Variants in LDAH observed in about 807,000 individuals in gnomAD.
LDAH encodes lipid droplet-associated hydrolase.
In LDAH, 26 loss-of-function variants were observed where a neutral mutation model predicts 29.6. The observed-to-expected ratio is 0.88, with a 90% confidence interval of 0.64 to 1.22. The LOEUF is 1.22. Among genes scored for constraint, LDAH ranks in the 50% most tolerant of loss-of-function variants. The probability of loss-of-function intolerance (pLI) is 0.00; values close to 1 mark genes in which losing one functional copy is unlikely to be tolerated. For missense variants in LDAH, 344 were observed against 387.3 expected (o/e 0.89, Z 0.94); for synonymous variants, 117 against 133.0 (o/e 0.88, Z 0.83).
At chr2:20,689,719 C>T (rs564447488) in intron 6 of LDAH, among the ~76,000 whole-genome samples, 30 of 152,326 alleles carry the variant, frequency 2.0e-4, no homozygotes, top group African/African-American at 4.1e-4. Flanking sequence ...AGGGAACAGT[C>T]GCTATGCAGT....
intron 4 of LDAH, among the ~76,000 whole-genome samples, chr2:20,760,580 G>T (rs1173724497): frequency 6.6e-6 from 1 of 152,202 alleles, no homozygotes; most frequent in Non-Finnish European, 1.5e-5. Flanking sequence ...AGAGGATTCA[G>T]TTCTTTGTAG....
chr2:20,697,585 T>C (rs4971525), intron 6 of LDAH, among the ~76,000 whole-genome samples: 64,226 of 151,948 alleles, frequency 0.42, 14,425 homozygotes, highest in African/African-American at 0.57. Context: ...ACCCTGTTAC[T>C]CCCATGCTTA....
chr2:20,697,740 A>G (rs1009604045), intron 6 of LDAH, among the ~76,000 whole-genome samples: 1 of 152,202 alleles, frequency 6.6e-6, no homozygotes, highest in African/African-American at 2.4e-5. Context: ...TGCGGTGTAC[A>G]GGTCCAGAGG....
intron 4 of LDAH, among the ~76,000 whole-genome samples, chr2:20,773,314 T>C (rs1174983123): frequency 7.1e-6 from 1 of 140,316 alleles, no homozygotes; most frequent in Admixed American, 7.1e-5. Context: ...TCAGACAGAC[T>C]AAAAAAAAAA....
intron 1 of LDAH, among the ~76,000 whole-genome samples, chr2:20,807,409 CATTATA>C (rs748600510): frequency 2.6e-5 from 4 of 152,044 alleles, no homozygotes; most frequent in Non-Finnish European, 4.4e-5. Context: ...TTAAAATGTA[CATTATA>C]ATTAAGGTTG....
intron 1 of LDAH, among the ~76,000 whole-genome samples, chr2:20,808,384 G>A (rs1157141156): frequency 1.3e-5 from 2 of 152,086 alleles, no homozygotes; most frequent in African/African-American, 2.4e-5. Flanking sequence ...AGACAAGGCC[G>A]GGCGCGGTGG....
chr2:20,792,879 G>A (rs1236824889), intron 2 of LDAH, among the ~76,000 whole-genome samples: 3 of 152,014 alleles, frequency 2.0e-5, no homozygotes, highest in Non-Finnish European at 2.9e-5. Context: ...TGTAACAAAC[G>A]TGCACATTCT....
intron 3 of LDAH, among the ~76,000 whole-genome samples, chr2:20,779,200 G>T (rs1238206697): frequency 7.2e-5 from 11 of 152,072 alleles, no homozygotes; most frequent in Admixed American, 6.6e-4. Context: ...AAATTGAAAG[G>T]CTAAGAATAA....
At chr2:20,794,243 G>T (rs1418152739) in intron 2 of LDAH, among the ~76,000 whole-genome samples, 1 of 152,154 alleles carries the variant, frequency 6.6e-6, no homozygotes, top group East Asian at 1.9e-4. Flanking sequence ...AGAACAGCAT[G>T]AGAAAGACCT....
intron 4 of LDAH, among the ~76,000 whole-genome samples, chr2:20,746,420 G>A (rs570184168): frequency 1.3e-5 from 2 of 152,184 alleles, no homozygotes; most frequent in Admixed American, 1.3e-4. Context: ...TGAAATAATG[G>A]GAATGGACCA....
chr2:20,711,163 C>T (rs4971537), intron 5 of LDAH, among the ~76,000 whole-genome samples: 35,701 of 151,646 alleles, frequency 0.24, 4,756 homozygotes, highest in East Asian at 0.36. Context: ...CTGAGACGGG[C>T]GGATCACAAG....
chr2:20,742,775 CTTTTTCT>C (rs938890276), intron 4 of LDAH, among the ~76,000 whole-genome samples: 3 of 142,354 alleles, frequency 2.1e-5, no homozygotes, highest in Non-Finnish European at 3.0e-5. Flanking sequence ...TAGTGCTTTT[CTTTTTCT>C]TTTCTTTTTC....
chr2:20,799,175 C>G (rs566207859), intron 2 of LDAH, among the ~76,000 whole-genome samples: 26 of 152,186 alleles, frequency 1.7e-4, no homozygotes, highest in African/African-American at 6.0e-4. Context: ...TTGCAGTGAG[C>G]TGAGATCATA....
At chr2:20,682,536 AG>A (rs1662350675), downstream of LDAH, among the ~76,000 whole-genome samples, 1 of 152,254 alleles carries the variant, frequency 6.6e-6, no homozygotes, top group Admixed American at 6.5e-5. Flanking sequence ...GAGGCTGGAA[AG>A]TCCAAGATTG....
intron 5 of LDAH, among the ~76,000 whole-genome samples, chr2:20,715,820 C>A (rs571465651): frequency 6.6e-6 from 1 of 150,708 alleles, no homozygotes; most frequent in South Asian, 2.1e-4. Context: ...ATACAACTTA[C>A]AAGGGATGTG....
chr2:20,801,199 T>TTTA, intron 2 of LDAH, 111 bp downstream of exon 2: 1 of 1,198,354 alleles, frequency 8.3e-7, no homozygotes, highest in Non-Finnish European at 1.2e-6. Context: ...GTCAAGCGAT[T>TTTA]TTAATTCCTT....
intron 4 of LDAH, among the ~76,000 whole-genome samples, chr2:20,744,147 G>C (rs929865057): frequency 6.6e-6 from 1 of 150,798 alleles, no homozygotes; most frequent in African/African-American, 2.4e-5. Context: ...ATTAATCATA[G>C]TGGATTTAAA....
intron 4 of LDAH, among the ~76,000 whole-genome samples, chr2:20,771,403 C>A (rs181076139): frequency 2.0e-5 from 3 of 152,202 alleles, no homozygotes; most frequent in South Asian, 2.1e-4. Context: ...TATTATCACA[C>A]TTCATATGTT....
chr2:20,818,312 T>C (rs1010700378), intron 1 of LDAH, among the ~76,000 whole-genome samples: 2 of 152,142 alleles, frequency 1.3e-5, no homozygotes, highest in Non-Finnish European at 2.9e-5. Context: ...ATTATATATG[T>C]ATTTAATTGC....
Sources: allele counts gnomAD v4.1 joint callset (sites outside exome capture counted in the v4.1 genomes callset), GRCh38; gene constraint gnomAD v4.1.1; transcripts MANE v1.5; gene names NCBI Gene and HGNC (gene_info 2026-07-23, HGNC 2026-07-21).